Variants in ARHGAP10 observed in about 807,000 individuals in gnomAD.
ARHGAP10 encodes Rho GTPase activating protein 10.
In ARHGAP10, 87 loss-of-function variants were observed where a neutral mutation model predicts 108.6. The ratio of observed to expected loss-of-function variants is 0.80; its 90% CI spans 0.67 to 0.96. The LOEUF (loss-of-function observed/expected upper bound fraction) is 0.96, where lower values mean the gene tolerates loss of function less well. Among genes scored for constraint, ARHGAP10 ranks in the 40% least tolerant of loss-of-function variants. The pLI, the probability that ARHGAP10 is intolerant of heterozygous loss-of-function variation, is 0.00. For missense variants in ARHGAP10, 939 were observed against 954.5 expected (o/e 0.98, Z 0.21); for synonymous variants, 347 against 341.1 (o/e 1.02, Z -0.19).
chr4:147,781,888 T>C (rs912826297), intron 1 of ARHGAP10, among the ~76,000 whole-genome samples: 4 of 152,218 alleles, frequency 2.6e-5, no homozygotes, highest in Admixed American at 6.5e-5. Flanking sequence ...GTATAATTCT[T>C]GATACATATT....
chr4:147,880,204 G>C (rs1735269776), intron 9 of ARHGAP10, among the ~76,000 whole-genome samples: 1 of 152,136 alleles, frequency 6.6e-6, no homozygotes. Context: ...GAACATAATT[G>C]ATAACACATT....
At chr4:148,065,526 T>C (rs963692525) in intron 22 of ARHGAP10, 1 of 152,202 alleles carries the variant, frequency 6.6e-6, no homozygotes, top group Non-Finnish European at 1.5e-5. Flanking sequence ...ATTTTGTTCT[T>C]GGAATAGAAG....
intron 1 of ARHGAP10, among the ~76,000 whole-genome samples, chr4:147,806,528 A>C (rs1031244381): frequency 1.3e-5 from 2 of 151,988 alleles, no homozygotes; most frequent in African/African-American, 2.4e-5. Context: ...CTTATAGATC[A>C]ATGCCTGTCT....
chr4:148,048,609 G>A (rs376214095), intron 20 of ARHGAP10, among the ~76,000 whole-genome samples: 36 of 152,272 alleles, frequency 2.4e-4, no homozygotes, highest in Non-Finnish European at 4.1e-4. Flanking sequence ...GGTTACACTC[G>A]AGGTGGAATT....
chr4:147,953,389 T>A (rs1738680387), intron 15 of ARHGAP10, among the ~76,000 whole-genome samples: 1 of 152,046 alleles, frequency 6.6e-6, no homozygotes, highest in African/African-American at 2.4e-5. Flanking sequence ...AGTGACATCA[T>A]CTGGCCCTAG....
At chr4:147,949,800 A>G (rs1578724276) in intron 15 of ARHGAP10, among the ~76,000 whole-genome samples, 1 of 151,962 alleles carries the variant, frequency 6.6e-6, no homozygotes, top group Middle Eastern at 3.4e-3. Context: ...ATTGGTGGAA[A>G]ACTAAGGGTG....
intron 18 of ARHGAP10, among the ~76,000 whole-genome samples, chr4:147,996,702 T>G (rs534277984): frequency 1.3e-5 from 2 of 152,240 alleles, no homozygotes; most frequent in South Asian, 4.1e-4. Flanking sequence ...CTCCCAAAAT[T>G]CATATGTTGA....
intron 6 of ARHGAP10, 119 bp downstream of exon 6, chr4:147,865,075 G>A: frequency 1.2e-6 from 1 of 864,002 alleles, no homozygotes; most frequent in Non-Finnish European, 1.8e-6. Flanking sequence ...ACATGAAAGA[G>A]ACATATTAAA....
intron 20 of ARHGAP10, among the ~76,000 whole-genome samples, chr4:148,047,943 C>A (rs1728959892): frequency 1.3e-5 from 2 of 152,094 alleles, no homozygotes; most frequent in African/African-American, 4.8e-5. Context: ...CTGCCTCAGC[C>A]TCCCAAGTAG....
At chr4:148,023,751 G>T (rs1344338606) in intron 19 of ARHGAP10, among the ~76,000 whole-genome samples, 1 of 152,220 alleles carries the variant, frequency 6.6e-6, no homozygotes, top group Non-Finnish European at 1.5e-5. Context: ...TTTATGAGAG[G>T]AGCGGATGGA....
At chr4:147,853,860 CTCTT>C (rs1212155367) in intron 4 of ARHGAP10, among the ~76,000 whole-genome samples, 2 of 151,990 alleles carry the variant, frequency 1.3e-5, no homozygotes, top group Non-Finnish European at 2.9e-5. Flanking sequence ...TTACTTGTGA[CTCTT>C]TCAATCCATC....
At chr4:147,802,727 A>G (rs1731631901) in intron 1 of ARHGAP10, among the ~76,000 whole-genome samples, 1 of 152,198 alleles carries the variant, frequency 6.6e-6, no homozygotes, top group African/African-American at 2.4e-5. Context: ...GAATCTAATA[A>G]TTGTTCTTGT....
chr4:147,774,001 C>A (rs141057837), intron 1 of ARHGAP10, among the ~76,000 whole-genome samples: 1 of 152,184 alleles, frequency 6.6e-6, no homozygotes, highest in Non-Finnish European at 1.5e-5. Flanking sequence ...ATTCCTGGCT[C>A]TGCCACTCCA....
At position 147,784,144 on chromosome 4, in the gene ARHGAP10, ATTTT is replaced by A. The variant is rs1437389716; in HGVS notation, c.155-38582_155-38579del. 2.2e-3 allele frequency among the ~76,000 whole-genome samples: 204 copies of A among 92,492 alleles called. 16 individuals carry two copies. The highest frequency in any genetic ancestry group is 7.7e-3 in the African/African-American group (184 of 23,946). The allele number at this position is 92,492 out of a possible 152,430, so 60.7% of individuals were successfully genotyped here. On this transcript the variant is annotated intron_variant, in intron 1 of 22. Transcript: ENST00000336498. ...CATAACATTAAATTGTGTATTATATATTTTACATAACATTAAATTGTGTATTATA... is the reference window on the plus strand; with the variant it reads ...CATAACATTAAATTGTGTATTATATAACATAACATTAAATTGTGTATTATA...
chr4:147,918,971 A>T (rs140629700), intron 13 of ARHGAP10, among the ~76,000 whole-genome samples: 4 of 152,230 alleles, frequency 2.6e-5, no homozygotes, highest in African/African-American at 9.7e-5. Context: ...TAGAAATTAC[A>T]TAAGATTGGA....
At position 147,732,367 on chromosome 4, in the gene ARHGAP10, C is replaced by T; in HGVS notation, c.66C>T (p.Ile22=). 1 of 1,613,510 alleles carries T rather than the reference C, an allele frequency of 6.2e-7. No homozygotes were observed. Among genetic ancestry groups the T allele is most frequent in the Non-Finnish European group, 8.5e-7 (1 of 1,179,642 alleles). The change falls in exon 1 of 23, where the codon ATC becomes ATT. Residue 22 remains isoleucine (I), a synonymous_variant. Transcript: ENST00000336498. Reference sequence around the variant, plus strand: ...ACAGCCCGTGGTTCCGGGAGAGGATCCGCGCTCACGAAGCGGAACTCGAGA... The same window carrying T: ...ACAGCCCGTGGTTCCGGGAGAGGATTCGCGCTCACGAAGCGGAACTCGAGA... The part of the protein sequence containing the change: ...YLDSPWFRER[I]RAHEAELERT...
chr4:147,789,991 A>AT (rs767313173), intron 1 of ARHGAP10, among the ~76,000 whole-genome samples: 4,004 of 117,750 alleles, frequency 0.034, 113 homozygotes, highest in African/African-American at 0.077. Context: ...TGGTGTGTGG[A>AT]TTTTTTTTTT....
intron 13 of ARHGAP10, among the ~76,000 whole-genome samples, chr4:147,937,867 T>G (rs1738016795): frequency 6.6e-6 from 1 of 152,166 alleles, no homozygotes; most frequent in Admixed American, 6.5e-5. Flanking sequence ...TAATCCCAGC[T>G]ACTTGGGAGG....
intron 18 of ARHGAP10, among the ~76,000 whole-genome samples, chr4:147,978,006 T>G (rs1477715999): frequency 2.0e-5 from 3 of 152,250 alleles, no homozygotes; most frequent in Non-Finnish European, 4.4e-5. Context: ...TTTTTAACTT[T>G]GTTGCTGCAT....
Sources: gnomAD v4.1 joint callset for allele counts (sites outside exome capture counted in the v4.1 genomes callset) on GRCh38, gnomAD v4.1.1 for gene constraint, MANE v1.5 for transcripts, NCBI Gene and HGNC (gene_info 2026-07-23, HGNC 2026-07-21) for gene names.